The following ZC3HC1 variants were observed in gnomAD, a reference collection of about 807,000 sequenced individuals.
ZC3HC1 encodes the protein zinc finger C3HC-type protein 1.
ZC3HC1 carries 38 observed loss-of-function variants against 61.9 expected under a neutral mutation model. The ratio of observed to expected loss-of-function variants is 0.61; its 90% CI spans 0.47 to 0.81. The LOEUF (loss-of-function observed/expected upper bound fraction) is 0.81, where lower values mean the gene tolerates loss of function less well. Among genes scored for constraint, ZC3HC1 ranks in the 30% least tolerant of loss-of-function variants. The pLI is 0.00. For missense variants in ZC3HC1, 554 were observed against 622.7 expected, an observed-to-expected ratio of 0.89 and a Z score of 1.17; for synonymous variants, 213 against 229.9, an observed-to-expected ratio of 0.93 and a Z score of 0.67.
rs762337656 is a variant in ZC3HC1 at position 130,026,218 on chromosome 7, C to A, written c.716G>T (p.Gly239Val). Residue 239 changes from glycine to valine, a missense_variant, in exon 6 of 10, where the codon GGC (glycine) becomes GTC (valine). By Grantham distance (109) the Gly-to-Val change is moderately radical (BLOSUM62 -3). Coordinates refer to ENST00000358303, the MANE Select transcript of ZC3HC1 (RefSeq NM_016478.5). Reference protein sequence around the residue: ...TDERKTTIKLGSDIQVHVTAC... With the variant: ...TDERKTTIKLVSDIQVHVTAC... Reference sequence around the variant, plus strand: ...AGTGACGTGGACTTGGATGTCTGAGCCTAATTTGATTGTAGTTTTTCTCTC... The same window carrying A: ...AGTGACGTGGACTTGGATGTCTGAGACTAATTTGATTGTAGTTTTTCTCTC... The A allele has an allele frequency of 1.2e-5, 20 of 1,614,046 alleles. No individual in the cohort carries two copies. Among genetic ancestry groups the A allele is most frequent in the Non-Finnish European group, 1.5e-5 (18 of 1,179,980 alleles).
intron 2 of ZC3HC1, among the ~76,000 whole-genome samples, chr7:130,046,073 C>G (rs942730626): frequency 6.6e-6 from 1 of 151,954 alleles, no homozygotes; most frequent in Non-Finnish European, 1.5e-5. Flanking sequence ...CACATGTTCT[C>G]ACTTATAAGT....
intron 4 of ZC3HC1, among the ~76,000 whole-genome samples, chr7:130,030,793 C>T (rs1316502089): frequency 3.3e-5 from 5 of 151,554 alleles, no homozygotes; most frequent in Non-Finnish European, 5.9e-5. Context: ...CTCAGCCTCC[C>T]GAGTAGCTGG....
intron 2 of ZC3HC1, among the ~76,000 whole-genome samples, chr7:130,046,001 G>A (rs117492117): frequency 0.029 from 4,441 of 152,110 alleles, 112 homozygotes; most frequent in Non-Finnish European, 0.045. Flanking sequence ...TCCTTTGCAG[G>A]GATGTGGATG....
At chr7:130,020,572 C>CT (rs551286560) in intron 9 of ZC3HC1, among the ~76,000 whole-genome samples, 53 of 149,466 alleles carry the variant, frequency 3.5e-4, no homozygotes, top group African/African-American at 1.1e-3. Flanking sequence ...TCGGTATATA[C>CT]TTTTTTTTTT....
At chr7:130,028,805 C>G in intron 5 of ZC3HC1, 97 bp downstream of exon 5, 1 of 1,488,460 alleles carries the variant, frequency 6.7e-7, no homozygotes, top group East Asian at 2.4e-5. Flanking sequence ...CAGTTCTCTT[C>G]ACAGCAATTG....
At chr7:130,034,106 C>A (rs1794329230) in intron 4 of ZC3HC1, among the ~76,000 whole-genome samples, 1 of 151,964 alleles carries the variant, frequency 6.6e-6, no homozygotes, top group African/African-American at 2.4e-5. Context: ...TATTTTAACA[C>A]CTTGAGTTTA....
intron 2 of ZC3HC1, among the ~76,000 whole-genome samples, chr7:130,043,090 A>G (rs1216633448): frequency 6.6e-6 from 1 of 152,130 alleles, no homozygotes; most frequent in Non-Finnish European, 1.5e-5. Context: ...AGCCTGGGCC[A>G]ACATGGTGAA....
At chr7:130,018,765 C>T (rs761096826) in intron 9 of ZC3HC1, 33 bp from the exon 10 acceptor site, 14 of 1,567,772 alleles carry the variant, frequency 8.9e-6, no homozygotes, top group South Asian at 6.7e-5. Flanking sequence ...TTAGTGATTA[C>T]GTTCTTTTAT....
chr7:130,044,452 G>C (rs1794794137), intron 2 of ZC3HC1, among the ~76,000 whole-genome samples: 1 of 152,178 alleles, frequency 6.6e-6, no homozygotes, highest in Non-Finnish European at 1.5e-5. Context: ...GCAATAAAGA[G>C]GTCATGGGTT....
intron 1 of ZC3HC1, 104 bp from the exon 2 acceptor site, chr7:130,049,248 G>T: frequency 1.4e-6 from 1 of 717,038 alleles, no homozygotes; most frequent in Admixed American, 3.4e-5. Context: ...ACCAACGCTG[G>T]ATTTTAAGCT....
chr7:130,050,980 C>T (rs1206052156), intron 1 of ZC3HC1, among the ~76,000 whole-genome samples: 3 of 152,202 alleles, frequency 2.0e-5, no homozygotes, highest in Admixed American at 2.0e-4. Flanking sequence ...GTTAACGGTC[C>T]TCTTTACTTC....
chr7:130,050,972 T>C (rs1457053330), intron 1 of ZC3HC1, among the ~76,000 whole-genome samples: 2 of 152,232 alleles, frequency 1.3e-5, no homozygotes, highest in Non-Finnish European at 2.9e-5. Context: ...CTCATTCAGT[T>C]AACGGTCCTC....
At chr7:130,050,501 A>T in intron 1 of ZC3HC1, 1 of 1,478,602 alleles carries the variant, frequency 6.8e-7, no homozygotes. Context: ...AGGCCAAAAA[A>T]AATTCACAGC....
In ZC3HC1 at chr7:130,018,358, C is replaced by A; in HGVS notation, c.*306G>T. The A allele has an allele frequency of 3.3e-6, 1 of 304,334 alleles. No homozygotes were observed. Among genetic ancestry groups the A allele is most frequent in the African/African-American group, 2.1e-5 (1 of 47,828 alleles). The allele number at this position is 304,334 out of a possible 1,614,324, so 18.9% of individuals were successfully genotyped here. ...GGATAGAAGAGTCCTCAGAACACTGCTCCACATTGAAGATGCTGAAATGGG... is the reference window on the plus strand; with the variant it reads ...GGATAGAAGAGTCCTCAGAACACTGATCCACATTGAAGATGCTGAAATGGG... On this transcript the variant is annotated 3_prime_UTR_variant, in exon 10 of 10. Transcript: ENST00000358303.
At chr7:130,029,614 T>G (rs1293994885) in intron 4 of ZC3HC1, among the ~76,000 whole-genome samples, 2 of 151,868 alleles carry the variant, frequency 1.3e-5, no homozygotes, top group African/African-American at 4.8e-5. Flanking sequence ...AGGGGCAGGG[T>G]GTTAGGTGTT....
At position 130,027,815 on chromosome 7, in the gene ZC3HC1, G is replaced by A. The variant is rs114052740; in HGVS notation, c.621+1087C>T. ...ATTACAGGCATGAGCCACTGTGCCC[G>A]GGCTGACTACAGCATTTAAACATTT... On this transcript the variant is annotated intron_variant, in intron 5 of 9. Coordinates refer to ENST00000358303, the MANE Select transcript of ZC3HC1 (RefSeq NM_016478.5). Among the ~76,000 whole-genome samples, 968 of 151,818 alleles carry A rather than the reference G, an allele frequency of 6.4e-3. 8 individuals carry two copies. Among genetic ancestry groups the A allele is most frequent in the African/African-American group, 0.022 (914 of 41,430 alleles).
intron 5 of ZC3HC1, 86 bp from the exon 6 acceptor site, chr7:130,026,398 C>G: frequency 7.2e-7 from 1 of 1,386,382 alleles, no homozygotes; most frequent in South Asian, 1.4e-5. Context: ...TGGTACAAGC[C>G]GAAAATCAGG....
intron 9 of ZC3HC1, among the ~76,000 whole-genome samples, chr7:130,020,274 CTTTTTTTTTTT>C (rs531130416): frequency 7.4e-6 from 1 of 134,654 alleles, no homozygotes; most frequent in African/African-American, 2.7e-5. Context: ...ACACTTTTTT[CTTTTTTTTTTT>C]TTTTTGAAAG....
intron 4 of ZC3HC1, among the ~76,000 whole-genome samples, chr7:130,031,147 T>G (rs1794168247): frequency 6.6e-6 from 1 of 150,870 alleles, no homozygotes; most frequent in Non-Finnish European, 1.5e-5. Flanking sequence ...CTGACCAGCA[T>G]GGAGAAACCC....
Sources: allele counts gnomAD v4.1 joint callset (sites outside exome capture counted in the v4.1 genomes callset), GRCh38; gene constraint gnomAD v4.1.1; transcripts MANE v1.5; gene names NCBI Gene and HGNC (gene_info 2026-07-23, HGNC 2026-07-21).